Variants in MINK1 observed in about 807,000 individuals in gnomAD.
The protein encoded by MINK1 is misshapen-like kinase 1.
A neutral mutation model predicts 178.4 loss-of-function variants in MINK1; 46 were observed. The ratio of observed to expected loss-of-function variants is 0.26; its 90% CI spans 0.20 to 0.33. The LOEUF (loss-of-function observed/expected upper bound fraction) is 0.33, where lower values mean the gene tolerates loss of function less well. Ranked by LOEUF, MINK1 falls within the 10% of genes least tolerant of loss-of-function variation. MINK1 has a pLI of 1.00. For missense variants in MINK1, 1,366 were observed against 1,814.9 expected (o/e 0.75, Z 4.49); for synonymous variants, 797 against 709.7 (o/e 1.12, Z -1.96).
rs748778019 is a variant in MINK1 at position 4,893,081 on chromosome 17, T to C, written c.2400+14T>C. 2 of 1,551,788 alleles carry C rather than the reference T, an allele frequency of 1.3e-6. No homozygotes were observed. The highest frequency in any genetic ancestry group is 1.2e-5 in the South Asian group (1 of 84,234). ...GGCCGGCCCGCAGTGAGTCACCTGGTGGCAGGCATGGCCTGCCTCATCCTG... is the reference window on the plus strand; with the variant it reads ...GGCCGGCCCGCAGTGAGTCACCTGGCGGCAGGCATGGCCTGCCTCATCCTG... On this transcript the variant is annotated intron_variant, in intron 20 of 31. Transcript: ENST00000355280.
intron 1 of MINK1, chr17:4,854,878 G>C (rs1187465718): frequency 1.1e-5 from 5 of 442,010 alleles, no homozygotes; most frequent in Non-Finnish European, 2.3e-5. Flanking sequence ...AGAGTAAGAA[G>C]CGCTGAGAAA....
intron 1 of MINK1, among the ~76,000 whole-genome samples, chr17:4,863,805 T>TTA (rs1486396685): frequency 2.8e-4 from 30 of 107,382 alleles, no homozygotes; most frequent in Non-Finnish European, 5.4e-4. Context: ...TATTATTATT[T>TTA]TTGAGACGGA....
rs753035394 is a variant in MINK1 at position 4,896,264 on chromosome 17, C to T, written c.3537C>T (p.Val1179=). The T allele has an allele frequency of 8.7e-6, 14 of 1,607,732 alleles. No homozygotes were observed. The East Asian group carries it at 2.5e-4, about 28-fold the overall frequency. Residue 1179 remains valine (V), a synonymous_variant, in exon 29 of 32, where the codon GTC becomes GTT. Transcript: ENST00000355280. This position sits in a 1 kb window ranked among gnomAD's most constrained non-coding sequence, Gnocchi z 4.6. ...LTVEEGQRLK[V]IYGSSAGFHA... ...TAGAGGAGGGGCAGCGGCTCAAGGT[C>T]ATCTATGGCTCCAGTGCTGGCTTCC... is the stretch of plus-strand genomic sequence containing the variant.
intron 12 of MINK1, 39 bp from the exon 13 acceptor site, chr17:4,889,608 T>G (rs1968564265): frequency 6.6e-7 from 1 of 1,518,710 alleles, no homozygotes; most frequent in African/African-American, 1.4e-5. Flanking sequence ...TGACGCGATG[T>G]CCGGTATGGT....
intron 1 of MINK1, chr17:4,875,130 T>C: frequency 1.9e-6 from 1 of 520,080 alleles, no homozygotes. Context: ...GATGAGTTCT[T>C]CTGTTGGGGA....
In MINK1 at chr17:4,895,898, C is replaced by A. The variant is rs1221819648; in HGVS notation, c.3364+66C>A. 10 of 1,584,836 alleles carry A rather than the reference C, an allele frequency of 6.3e-6. 1 individual carries two copies. In the South Asian group the frequency reaches 1.1e-4, roughly 18 times the overall value. On this transcript the variant is annotated intron_variant, in intron 27 of 31. Coordinates refer to ENST00000355280, the MANE Select transcript of MINK1 (RefSeq NM_153827.5). This position sits in a 1 kb window ranked among gnomAD's most constrained non-coding sequence, Gnocchi z 4.3. ...ATGAAGAGAGAAATGGATCTGGGAG[C>A]CAGGGACTTGGGGCCTGGGTGGGGC...
rs1968070263 is a variant in MINK1, at chr17:4,885,085, T to A, written c.508+83T>A. On this transcript the variant is annotated intron_variant, in intron 6 of 31. Coordinates refer to ENST00000355280, the MANE Select transcript of MINK1 (RefSeq NM_153827.5). The surrounding 1 kb of genome is among the most constrained non-coding windows in gnomAD (Gnocchi z 5.0). ...GGGGCCCCTTTTTCTCTCTGGTGGC[T>A]CAGGCCCAACTCCCTTCCTACTGGG... is the stretch of plus-strand genomic sequence containing the variant. The A allele has an allele frequency of 7.6e-7, 1 of 1,319,252 alleles. No homozygotes were observed. Among genetic ancestry groups the A allele is most frequent in the Non-Finnish European group, 1.1e-6 (1 of 932,288 alleles). The allele number at this position is 1,319,252 out of a possible 1,614,324, so 81.7% of individuals were successfully genotyped here.
At position 4,887,504 on chromosome 17, in the gene MINK1, A is replaced by G. The variant is rs935342055; in HGVS notation, c.1020-76A>G. On this transcript the variant is annotated intron_variant, in intron 11 of 31. Transcript: ENST00000355280. This position sits in a 1 kb window ranked among gnomAD's most constrained non-coding sequence, Gnocchi z 7.6. Reference sequence around the variant, plus strand: ...TTTGATCCAGTTAAAGCACCCACTCAGGCGGGCCCACGGGGTTGAGAGTGG... The same window carrying G: ...TTTGATCCAGTTAAAGCACCCACTCGGGCGGGCCCACGGGGTTGAGAGTGG... The G allele has an allele frequency of 1.9e-4, 245 of 1,293,464 alleles. 1 individual carries two copies. Among genetic ancestry groups the G allele is most frequent in the Non-Finnish European group, 2.4e-4 (232 of 970,162 alleles). The allele number at this position is 1,293,464 out of a possible 1,614,324, so 80.1% of individuals were successfully genotyped here.
rs1384973377 is a variant in MINK1 at position 4,884,346 on chromosome 17, C to A, written c.307-17C>A. 6.2e-7 allele frequency: 1 copy of A among 1,608,112 alleles called. No individual in the cohort carries two copies. The highest frequency in any genetic ancestry group is 1.7e-5 in the Admixed American group (1 of 59,980). Reference sequence around the variant, plus strand: ...CTGACTGATACTTTTCCTTTCGGTACCTTCCTGGGATCCTAGCTGGTGATG... The same window carrying A: ...CTGACTGATACTTTTCCTTTCGGTAACTTCCTGGGATCCTAGCTGGTGATG... On this transcript the variant is annotated splice_polypyrimidine_tract_variant and intron_variant, in intron 4 of 31. Coordinates refer to ENST00000355280, the MANE Select transcript of MINK1 (RefSeq NM_153827.5).
chr17:4,841,508 T>A (rs934757614), intron 1 of MINK1, among the ~76,000 whole-genome samples: 1 of 151,994 alleles, frequency 6.6e-6, no homozygotes, highest in Admixed American at 6.6e-5. Context: ...ACTTATGTTT[T>A]TTTCCCACAA....
At position 4,891,564 on chromosome 17, in the gene MINK1, C is replaced by G; in HGVS notation, c.1849C>G (p.His617Asp). 1 of 1,607,794 alleles carries G rather than the reference C, an allele frequency of 6.2e-7. No individual in the cohort carries two copies. Among genetic ancestry groups the G allele is most frequent in the Non-Finnish European group, 8.5e-7 (1 of 1,177,566 alleles). The change falls in exon 16 of 32, where the codon CAT becomes GAT. Residue 617 changes from histidine to aspartate, a missense_variant. Transcript: ENST00000355280. ...TRNLAAFPASHDPDPAIPAPT... is the reference protein window; with the variant it reads ...TRNLAAFPASDDPDPAIPAPT... The stretch of plus-strand genomic sequence containing the variant: ...AAACCTGGCTGCCTTCCCAGCCTCC[C>G]ATGACCCCGACCCTGCCATCCCCGC...
In MINK1 at chr17:4,892,180, C is replaced by T; in HGVS notation, c.2033C>T (p.Ala678Val). Residue 678 changes from alanine to valine, a missense_variant, in exon 17 of 32, where the codon GCC (alanine) becomes GTC (valine). Physicochemically the swap from Ala to Val is moderately conservative, Grantham distance 64. This residue lies in a region of MINK1 where 709 missense variants were observed against 692.3 expected (regional missense o/e 1.02). Coordinates refer to ENST00000355280, the MANE Select transcript of MINK1 (RefSeq NM_153827.5). ...VPQRTSSIAT[A>V]LNTSGAGGSR... ...CAGAGGACCTCATCTATCGCCACTG[C>T]CCTTAACACCAGTGGGGCCGGAGGG... 6.2e-7 allele frequency: 1 copy of T among 1,601,792 alleles called. No homozygotes were observed. The highest frequency in any genetic ancestry group is 1.3e-5 in the African/African-American group (1 of 74,748).
intron 1 of MINK1, among the ~76,000 whole-genome samples, chr17:4,869,618 C>T (rs1915591074): frequency 6.6e-6 from 1 of 152,088 alleles, no homozygotes; most frequent in East Asian, 1.9e-4. Context: ...TGGTATTGCC[C>T]GATCTTACGA....
Position 4,895,924 on chromosome 17 carries a change from A to G in MINK1, c.3365-79A>G. ...CAGGGACTTGGGGCCTGGGTGGGGC[A>G]GTGTAGTGACAGACCACGGGGAGGC... On this transcript the variant is annotated intron_variant, in intron 27 of 31. Coordinates refer to ENST00000355280, the MANE Select transcript of MINK1 (RefSeq NM_153827.5). This position sits in a 1 kb window ranked among gnomAD's most constrained non-coding sequence, Gnocchi z 4.3. The G allele has an allele frequency of 1.9e-6, 3 of 1,572,766 alleles. No homozygotes were observed. Among genetic ancestry groups the G allele is most frequent in the South Asian group, 1.2e-5 (1 of 86,080 alleles).
chr17:4,851,906 A>T (rs1013428752), intron 1 of MINK1, among the ~76,000 whole-genome samples: 2 of 149,878 alleles, frequency 1.3e-5, no homozygotes, highest in Admixed American at 1.3e-4. Context: ...AGGCTGGGAC[A>T]GGAGAATCAC....
chr17:4,896,375 T>C lies in MINK1; in HGVS notation c.3615+33T>C. On this transcript the variant is annotated intron_variant, in intron 29 of 31. Coordinates refer to ENST00000355280, the MANE Select transcript of MINK1 (RefSeq NM_153827.5). This position sits in a 1 kb window ranked among gnomAD's most constrained non-coding sequence, Gnocchi z 4.6. ...TGGCGGGGCTGCTGGGGGAGTGGGA[T>C]GGCCCAGTCTGGGCACCAGACACGG... is the stretch of plus-strand genomic sequence containing the variant. 6.2e-7 allele frequency: 1 copy of C among 1,605,550 alleles called. No individual in the cohort carries two copies. The highest frequency in any genetic ancestry group is 8.5e-7 in the Non-Finnish European group (1 of 1,174,950).
At chr17:4,850,710 G>T (rs1888534581) in intron 1 of MINK1, among the ~76,000 whole-genome samples, 1 of 152,152 alleles carries the variant, frequency 6.6e-6, no homozygotes, top group Non-Finnish European at 1.5e-5. Context: ...TCTTGGTCAT[G>T]AAGCTTCTCT....
At chr17:4,843,853 A>G (rs1198449655) in intron 1 of MINK1, among the ~76,000 whole-genome samples, 13 of 152,096 alleles carry the variant, frequency 8.5e-5, no homozygotes, top group African/African-American at 2.7e-4. Flanking sequence ...TCTGACTCCA[A>G]AACCTGGGCT....
chr17:4,895,585 G>T lies in MINK1; in HGVS notation c.3229+92G>T. Reference sequence around the variant, plus strand: ...CTGGGAGGAGGGCAGGCACTGGAAGGTGGGGCCACACTTTCTCACCCCTTG... The same window carrying T: ...CTGGGAGGAGGGCAGGCACTGGAAGTTGGGGCCACACTTTCTCACCCCTTG... On this transcript the variant is annotated intron_variant, in intron 26 of 31. Coordinates refer to ENST00000355280, the MANE Select transcript of MINK1 (RefSeq NM_153827.5). The surrounding 1 kb of genome is among the most constrained non-coding windows in gnomAD (Gnocchi z 4.3). 1 of 1,547,880 alleles carries T rather than the reference G, an allele frequency of 6.5e-7. No homozygotes were observed.
Sources: allele counts gnomAD v4.1 joint callset (sites outside exome capture counted in the v4.1 genomes callset), GRCh38; gene constraint gnomAD v4.1.1; regional missense constraint gnomAD v4.1.1; non-coding constraint Gnocchi (gnomAD v3.1); transcripts MANE v1.5; gene names NCBI Gene and HGNC (gene_info 2026-07-23, HGNC 2026-07-21).